The following DEUP1 variants were observed in gnomAD, a reference collection of about 807,000 sequenced individuals.
DEUP1 encodes coiled-coil domain containing 67.
DEUP1 carries 82 observed loss-of-function variants against 87.4 expected under a neutral mutation model. The ratio of observed to expected loss-of-function variants is 0.94; its 90% confidence interval spans 0.78 to 1.13. The LOEUF is 1.13. DEUP1 is among the 50% of genes most tolerant of loss of function. The pLI is 0.00. For synonymous variants in DEUP1, 214 were observed against 222.7 expected (o/e 0.96, Z 0.35); for missense variants, 663 against 681.5 (o/e 0.97, Z 0.30).
At chr11:93,334,492 G>T (rs569961950) in intron 2 of DEUP1, among the ~76,000 whole-genome samples, 10 of 152,138 alleles carry the variant, frequency 6.6e-5, no homozygotes, top group Non-Finnish European at 1.2e-4. Flanking sequence ...ATGGTGATAT[G>T]AAGAAAAATA....
At chr11:93,352,663 T>C (rs763281811) in intron 2 of DEUP1, among the ~76,000 whole-genome samples, 7 of 152,316 alleles carry the variant, frequency 4.6e-5, no homozygotes, top group Middle Eastern at 3.4e-3. Flanking sequence ...CAGTTCTACA[T>C]AGCTGGGAAG....
intron 11 of DEUP1, among the ~76,000 whole-genome samples, chr11:93,399,344 G>T (rs533556691): frequency 2.4e-4 from 37 of 151,658 alleles, no homozygotes; most frequent in Non-Finnish European, 5.2e-4. Flanking sequence ...GTTTCTCCTA[G>T]TAATTTCCTG....
chr11:93,430,670 T>G (rs1948076531), intron 13 of DEUP1, among the ~76,000 whole-genome samples: 1 of 152,212 alleles, frequency 6.6e-6, no homozygotes, highest in Non-Finnish European at 1.5e-5. Context: ...ATAGAGATGG[T>G]GGTTGCACAA....
Position 93,394,507 on chromosome 11 carries a change from G to C in DEUP1, c.1090G>C (p.Glu364Gln), listed in dbSNP as rs1414023253. Reference protein sequence around the residue: ...QVEEYHNSEQERMRNEISDLT... With the variant: ...QVEEYHNSEQQRMRNEISDLT... ...GGAAGAGTACCATAACTCTGAGCAG[G>C]AAAGAATGAGGAATGAAATCTCTGA... Residue 364 changes from glutamate (E) to glutamine (Q), a missense_variant, in exon 10 of 14, where the codon GAA (glutamate) becomes CAA (glutamine). Transcript: ENST00000298050. 1 of 1,606,042 alleles carries C rather than the reference G, an allele frequency of 6.2e-7. No homozygotes were observed. Among genetic ancestry groups the C allele is most frequent in the African/African-American group, 1.3e-5 (1 of 74,716 alleles).
chr11:93,428,729 A>C (rs1948013349), intron 13 of DEUP1, among the ~76,000 whole-genome samples: 1 of 152,202 alleles, frequency 6.6e-6, no homozygotes, highest in Non-Finnish European at 1.5e-5. Context: ...CACTGTGGAA[A>C]AAGAAATTCA....
At position 93,380,739 on chromosome 11, in the gene DEUP1, C is replaced by T. The variant is rs1435495211; in HGVS notation, c.790-4659C>T. On this transcript the variant is annotated intron_variant, in intron 7 of 13. Coordinates refer to ENST00000298050, the MANE Select transcript of DEUP1 (RefSeq NM_181645.4). Reference sequence around the variant, plus strand: ...ACTTTTAATGTGACTGATATTTATACTGATTTCTATGAGGAAGTTTACCAA... The same window carrying T: ...ACTTTTAATGTGACTGATATTTATATTGATTTCTATGAGGAAGTTTACCAA... Among the ~76,000 whole-genome samples the T allele has an allele frequency of 4.6e-5, 7 of 152,046 alleles. 1 individual carries two copies. The highest frequency in any genetic ancestry group is 1.0e-4 in the Non-Finnish European group (7 of 68,002).
chr11:93,397,008 T>C (rs922553394), intron 11 of DEUP1, among the ~76,000 whole-genome samples: 10 of 152,222 alleles, frequency 6.6e-5, no homozygotes, highest in Admixed American at 4.6e-4. Context: ...TTTTTATTTA[T>C]TGAATGAATG....
At position 93,385,446 on chromosome 11, in the gene DEUP1, G is replaced by A. The variant is rs1451752431; in HGVS notation, c.838G>A (p.Asp280Asn). ...GGTAAAAAGTGAGTTACAGTCACGT[G>A]ATGATCTCTTGAGAATTATAGAAAT... ...SEVKSELQSRDDLLRIIEMER... is the reference protein window; with the variant it reads ...SEVKSELQSRNDLLRIIEMER... The change falls in exon 8 of 14, where the codon GAT becomes AAT. Residue 280 changes from aspartate (D) to asparagine (N), a missense_variant. Asp to Asn is a conservative substitution (Grantham distance 23, BLOSUM62 1). Transcript: ENST00000298050. 2.5e-6 allele frequency: 4 copies of A among 1,612,850 alleles called. No individual in the cohort carries two copies. The highest frequency in any genetic ancestry group is 3.4e-6 in the Non-Finnish European group (4 of 1,179,318).
intron 7 of DEUP1, among the ~76,000 whole-genome samples, chr11:93,382,506 ATTATTTTC>A (rs1156585140): frequency 1.3e-5 from 2 of 152,324 alleles, no homozygotes; most frequent in African/African-American, 2.4e-5. Flanking sequence ...TCTTACAGAT[ATTATTTTC>A]TAATAACAGT....
At chr11:93,399,685 GA>G (rs919724832) in intron 11 of DEUP1, among the ~76,000 whole-genome samples, 8 of 151,438 alleles carry the variant, frequency 5.3e-5, no homozygotes, top group African/African-American at 1.2e-4. Flanking sequence ...TGTTAATATA[GA>G]AAAAATACAA....
rs764045271 is a variant in DEUP1 at position 93,396,248 on chromosome 11, A to G, written c.1249A>G (p.Met417Val). 1.2e-5 allele frequency: 19 copies of G among 1,565,648 alleles called. No individual in the cohort carries two copies. In the Admixed American group the frequency reaches 3.5e-4, roughly 28 times the overall value. Residue 417 changes from methionine to valine, a missense_variant, in exon 11 of 14, where the codon ATG (methionine) becomes GTG (valine). Met to Val is a conservative substitution (Grantham distance 21). Coordinates refer to ENST00000298050, the MANE Select transcript of DEUP1 (RefSeq NM_181645.4). ...TATCTGCTAATTTCAGGTCTCAGAT[A>G]TGAAATATAAAGCTGTCAGAACTGA... ...KMLAKQKVSD[M>V]KYKAVRTENT...
intron 2 of DEUP1, among the ~76,000 whole-genome samples, chr11:93,348,473 CTGTAAAATTTTCCTCTTAACACTGCCT>C (rs1385776748): frequency 1.3e-5 from 2 of 152,194 alleles, no homozygotes; most frequent in African/African-American, 2.4e-5. Flanking sequence ...GCATTTAGTG[CTGTAAAATTTTCCTCTTAACACTGCCT>C]TAGCTGTGTC....
rs986936586 is a variant in DEUP1 at position 93,345,011 on chromosome 11, T to C, written c.30-10360T>C. On this transcript the variant is annotated intron_variant, in intron 2 of 13. Transcript: ENST00000298050. ...TTTCCTGAGGCTTTCCCTCCTCCCA[T>C]CCTCCATCTTCTGATAGGCCTGAGT... 4.6e-5 allele frequency among the ~76,000 whole-genome samples: 7 copies of C among 152,250 alleles called. No homozygotes were observed. In the South Asian group the frequency reaches 8.3e-4, roughly 18 times the overall value.
chr11:93,435,583 C>T (rs922226671), intron 13 of DEUP1, among the ~76,000 whole-genome samples: 2 of 152,118 alleles, frequency 1.3e-5, no homozygotes, highest in East Asian at 3.8e-4. Flanking sequence ...TTTTTCTTTA[C>T]CAGAGATTCT....
At chr11:93,400,507 G>T (rs1363506595) in intron 11 of DEUP1, among the ~76,000 whole-genome samples, 1 of 152,056 alleles carries the variant, frequency 6.6e-6, no homozygotes, top group African/African-American at 2.4e-5. Context: ...TTTATAGGAT[G>T]CTAGTCCTAC....
chr11:93,406,391 A>G (rs1377249293), intron 11 of DEUP1, among the ~76,000 whole-genome samples: 4 of 151,966 alleles, frequency 2.6e-5, no homozygotes, highest in African/African-American at 9.7e-5. Flanking sequence ...TGGAGAATAG[A>G]TATTTTCATC....
rs77540423 is a variant in DEUP1 at position 93,399,136 on chromosome 11, T to C, written c.1326+2811T>C. ...TCTACTTGATCTCTTTGTTTATAGCTTCTGAGTTTCCTTCCTTGACTAACA... is the reference window on the plus strand; with the variant it reads ...TCTACTTGATCTCTTTGTTTATAGCCTCTGAGTTTCCTTCCTTGACTAACA... On this transcript the variant is annotated intron_variant, in intron 11 of 13. Transcript: ENST00000298050. Among the ~76,000 whole-genome samples, 1,214 of 152,176 alleles carry C rather than the reference T, an allele frequency of 8.0e-3. 15 individuals carry two copies. The highest frequency in any genetic ancestry group is 0.028 in the African/African-American group (1,167 of 41,558).
chr11:93,431,095 CAA>C lies in DEUP1; in HGVS notation c.1639-6429_1639-6428del, dbSNP rs10534401. Among the ~76,000 whole-genome samples, 858 of 112,606 alleles carry C rather than the reference CAA, an allele frequency of 7.6e-3. 6 individuals carry two copies. The highest frequency in any genetic ancestry group is 0.028 in the African/African-American group (826 of 29,228). 73.9% of individuals were successfully genotyped at this position (112,606 alleles called of 152,430 possible). A position where few individuals can be genotyped will look rare whatever the true frequency, so the allele number is the denominator to read the frequency against. ...TGGGCAACAGAGCGAAACACTGTCT[CAA>C]AAAAAAAAAAAAAAAAAAGAAAGAA... On this transcript the variant is annotated intron_variant, in intron 13 of 13. Transcript: ENST00000298050.
At chr11:93,342,165 G>T (rs1944113620) in intron 2 of DEUP1, among the ~76,000 whole-genome samples, 1 of 152,002 alleles carries the variant, frequency 6.6e-6, no homozygotes, top group South Asian at 2.1e-4. Flanking sequence ...ATTATCTTTG[G>T]GGACAATTTT....
Sources: allele counts gnomAD v4.1 joint callset (sites outside exome capture counted in the v4.1 genomes callset), GRCh38; gene constraint gnomAD v4.1.1; transcripts MANE v1.5; gene names NCBI Gene and HGNC (gene_info 2026-07-23, HGNC 2026-07-21).